RCCD1: variants seen among roughly 807,000 people sequenced by gnomAD.
The protein encoded by RCCD1 is RCC1 domain-containing protein 1.
RCCD1 carries 40 observed loss-of-function variants against 37.6 expected under a neutral mutation model. The ratio of observed to expected loss-of-function variants is 1.06; its 90% CI spans 0.83 to 1.39. RCCD1 has a LOEUF of 1.39. Ranked by LOEUF, RCCD1 falls within the 40% of genes most tolerant of loss-of-function variation. RCCD1 has a pLI of 0.00. For missense variants in RCCD1, 577 were observed against 517.3 expected (o/e 1.12, Z -1.12); for synonymous variants, 263 against 230.0 (o/e 1.14, Z -1.30).
In RCCD1 at chr15:90,961,936, A is replaced by G; in HGVS notation, c.*167A>G. 1 of 528,618 alleles carries G rather than the reference A, an allele frequency of 1.9e-6. No individual in the cohort carries two copies. The highest frequency in any genetic ancestry group is 3.2e-6 in the Non-Finnish European group (1 of 307,982). The allele number at this position is 528,618 out of a possible 1,614,324, so 32.7% of individuals were successfully genotyped here. A position where few individuals can be genotyped will look rare whatever the true frequency, so the allele number is the denominator to read the frequency against. On this transcript the variant is annotated 3_prime_UTR_variant, in exon 8 of 8. Coordinates refer to ENST00000394258, the MANE Select transcript of RCCD1 (RefSeq NM_001017919.2). ...GTCTGCACTTTAGAAACACCTGGAG[A>G]GCATTGAAAACTCTGCTGCCTAAGG...
In RCCD1 at chr15:90,961,067, ATTGT is replaced by A. The variant is rs2037305547; in HGVS notation, c.979+16_979+19del. On this transcript the variant is annotated intron_variant, in intron 7 of 7. Coordinates refer to ENST00000394258, the MANE Select transcript of RCCD1 (RefSeq NM_001017919.2). ...ACCTGGGGCTGGGGTAAGTAAAAGG[ATTGT>A]TTTTGTGACCCTGAAACCAAGGAGA... The A allele has an allele frequency of 6.2e-7, 1 of 1,613,370 alleles. No homozygotes were observed. The highest frequency in any genetic ancestry group is 8.5e-7 in the Non-Finnish European group (1 of 1,179,766).
Position 90,956,685 on chromosome 15 carries a change from C to T in RCCD1, c.-50C>T. ...CTAGCGGGCTCTTCGCAAGAATCCC[C>T]CCGGGCCCGCCGCAGCCAGGCGGCG... On this transcript the variant is annotated 5_prime_UTR_variant, in exon 2 of 8. Coordinates refer to ENST00000394258, the MANE Select transcript of RCCD1 (RefSeq NM_001017919.2). The T allele has an allele frequency of 8.0e-7, 1 of 1,251,662 alleles. No homozygotes were observed. The highest frequency in any genetic ancestry group is 1.0e-6 in the Non-Finnish European group (1 of 997,786). The allele number at this position is 1,251,662 out of a possible 1,614,324, so 77.5% of individuals were successfully genotyped here. A position where few individuals can be genotyped will look rare whatever the true frequency, so the allele number is the denominator to read the frequency against.
intron 4 of RCCD1, among the ~76,000 whole-genome samples, chr15:90,958,514 G>C (rs1032431476): frequency 3.3e-5 from 5 of 151,760 alleles, no homozygotes; most frequent in Non-Finnish European, 5.9e-5. Flanking sequence ...TGTAGTCCTG[G>C]CTACTCGGGA....
In RCCD1 at chr15:90,957,716, T is replaced by C. The variant is rs149297566; in HGVS notation, c.670T>C (p.Cys224Arg). ...GGCCGCGGGGGGCTGGCATTCTGTG[T>C]GTGTGAGTGGTGAGTGACTTAGTGC... ...EVAAGGWHSV[C>R]VSETGDIYIW... The change falls in exon 4 of 8, where the codon TGT becomes CGT. Residue 224 changes from cysteine to arginine, a missense_variant. By Grantham distance (180) the Cys-to-Arg change is radical. Transcript: ENST00000394258. 16 of 1,609,514 alleles carry C rather than the reference T, an allele frequency of 9.9e-6. No individual in the cohort carries two copies. The African/African-American group carries it at 2.0e-4, about 20-fold the overall frequency.
rs558030578 is a variant in RCCD1 at position 90,962,846 on chromosome 15, A to G, written c.*1077A>G. ...AGTATTCAGAGTATCTTCTGCTACA[A>G]TGTAGTTTGTTTCAGTCTCTCTTGG... is the stretch of plus-strand genomic sequence containing the variant. On this transcript the variant is annotated 3_prime_UTR_variant, in exon 8 of 8. Coordinates refer to ENST00000394258, the MANE Select transcript of RCCD1 (RefSeq NM_001017919.2). The G allele has an allele frequency of 4.6e-5, 7 of 152,172 alleles. No individual in the cohort carries two copies. Among genetic ancestry groups the G allele is most frequent in the African/African-American group, 1.7e-4 (7 of 41,424 alleles). 9.4% of individuals were successfully genotyped at this position (152,172 alleles called of 1,614,324 possible).
Position 90,960,445 on chromosome 15 carries a change from G to T in RCCD1, c.896G>T (p.Gly299Val). Residue 299 changes from glycine to valine, a missense_variant, in exon 6 of 8, where the codon GGC (glycine) becomes GTC (valine). Transcript: ENST00000394258. ...PFPALLDLPM[G>V]SDAVKASCGS... is the part of the protein sequence containing the mutation. ...CCGGCATTACTGGATCTCCCCATGGGCTCAGATGCAGTCAAGGCCAGCTGT... is the reference window on the plus strand; with the variant it reads ...CCGGCATTACTGGATCTCCCCATGGTCTCAGATGCAGTCAAGGCCAGCTGT... 2.5e-6 allele frequency: 4 copies of T among 1,613,122 alleles called. No individual in the cohort carries two copies. The highest frequency in any genetic ancestry group is 2.5e-6 in the Non-Finnish European group (3 of 1,179,994).
At chr15:90,958,648 A>T (rs77452921) in intron 4 of RCCD1, among the ~76,000 whole-genome samples, 1 of 140,476 alleles carries the variant, frequency 7.1e-6, no homozygotes, top group Admixed American at 7.4e-5. Context: ...AAAAAAAAAA[A>T]AGAAAAGCTA....
At position 90,962,555 on chromosome 15, in the gene RCCD1, A is replaced by G. The variant is rs2037336498; in HGVS notation, c.*786A>G. 6.6e-6 allele frequency: 1 copy of G among 152,126 alleles called. No individual in the cohort carries two copies. Among genetic ancestry groups the G allele is most frequent in the Admixed American group, 6.5e-5 (1 of 15,270 alleles). The allele number at this position is 152,126 out of a possible 1,614,324, so 9.4% of individuals were successfully genotyped here. On this transcript the variant is annotated 3_prime_UTR_variant, in exon 8 of 8. Coordinates refer to ENST00000394258, the MANE Select transcript of RCCD1 (RefSeq NM_001017919.2). ...GTCAGGTAGATGCACACTGGTTTTA[A>G]TTGGCATTTCCCTGGATACTGATGA... is the stretch of plus-strand genomic sequence containing the variant.
chr15:90,957,383 C>T lies in RCCD1; in HGVS notation c.437C>T (p.Pro146Leu), dbSNP rs1311874079. 3.9e-6 allele frequency: 6 copies of T among 1,544,086 alleles called. No individual in the cohort carries two copies. The highest frequency in any genetic ancestry group is 5.2e-6 in the Non-Finnish European group (6 of 1,146,044). The change falls in exon 3 of 8, where the codon CCG (proline) becomes CTG (leucine). Residue 146 changes from proline to leucine, a missense_variant. Physicochemically the swap from Pro to Leu is moderately conservative, Grantham distance 98. Coordinates refer to ENST00000394258, the MANE Select transcript of RCCD1 (RefSeq NM_001017919.2). The stretch of plus-strand genomic sequence containing the variant: ...CCCTGCGCCCGTGCCTACGTGAGCC[C>T]GCGGGCGCCCTTCTACCGGCCTCTG... ...LLPCARAYVS[P>L]RAPFYRPLAP...
intron 4 of RCCD1, among the ~76,000 whole-genome samples, chr15:90,958,274 G>T (rs1258819838): frequency 6.6e-6 from 1 of 152,132 alleles, no homozygotes; most frequent in African/African-American, 2.4e-5. Flanking sequence ...GATGATCTTT[G>T]TCTGTGTCTG....
At chr15:90,958,646 AAAAG>A (rs1196092125) in intron 4 of RCCD1, among the ~76,000 whole-genome samples, 4 of 150,564 alleles carry the variant, frequency 2.7e-5, no homozygotes, top group Non-Finnish European at 3.0e-5. Flanking sequence ...AAAAAAAAAA[AAAAG>A]AAAAGCTACC....
Position 90,956,731 on chromosome 15 carries a change from G to T in RCCD1, c.-4G>T. 1 of 1,297,072 alleles carries T rather than the reference G, an allele frequency of 7.7e-7. No homozygotes were observed. The highest frequency in any genetic ancestry group is 1.5e-5 in the African/African-American group (1 of 66,048). The allele number at this position is 1,297,072 out of a possible 1,614,324, so 80.3% of individuals were successfully genotyped here. ...CGGCGGCCGGCAGAGGGCGCTGCTC[G>T]GGCATGGCGGAGGAGCGGCCGGGGG... On this transcript the variant is annotated 5_prime_UTR_variant, in exon 2 of 8. Coordinates refer to ENST00000394258, the MANE Select transcript of RCCD1 (RefSeq NM_001017919.2).
chr15:90,960,760 C>T (rs2037299008), intron 6 of RCCD1: 1 of 612,914 alleles, frequency 1.6e-6, no homozygotes, highest in Admixed American at 2.8e-5. Flanking sequence ...CCGCCGCCGC[C>T]TCTGACAGCA....
rs2037322294 is a variant in RCCD1, at chr15:90,961,835, C to T, written c.*66C>T. On this transcript the variant is annotated 3_prime_UTR_variant, in exon 8 of 8. Coordinates refer to ENST00000394258, the MANE Select transcript of RCCD1 (RefSeq NM_001017919.2). The stretch of plus-strand genomic sequence containing the variant: ...CATTCAGGTCAAGGAAAACCATTGC[C>T]TGCACCCCAAGGGCCCCATATTTGC... The T allele has an allele frequency of 1.3e-6, 2 of 1,530,556 alleles. No homozygotes were observed. Among genetic ancestry groups the T allele is most frequent in the South Asian group, 1.2e-5 (1 of 81,704 alleles). 94.8% of individuals were successfully genotyped at this position (1,530,556 alleles called of 1,614,324 possible).
chr15:90,961,078 G>A (rs2037305751), intron 7 of RCCD1, 24 bp downstream of exon 7: 2 of 1,612,248 alleles, frequency 1.2e-6, no homozygotes, highest in Non-Finnish European at 1.7e-6. Context: ...TTGTTTTTGT[G>A]ACCCTGAAAC....
At chr15:90,959,867 G>A in intron 4 of RCCD1, 33 bp from the exon 5 acceptor site, 1 of 1,511,576 alleles carries the variant, frequency 6.6e-7, no homozygotes, top group Non-Finnish European at 9.1e-7. Context: ...GGGCTTCACA[G>A]TCTGTTTCAT....
At chr15:90,956,970 G>T (rs1456427759) in intron 2 of RCCD1, 70 bp downstream of exon 2, 2 of 1,285,146 alleles carry the variant, frequency 1.6e-6, no homozygotes, top group Non-Finnish European at 2.0e-6. Context: ...CACCGCTGTG[G>T]CCAGTCCAGT....
At chr15:90,958,725 C>T (rs1050369909) in intron 4 of RCCD1, among the ~76,000 whole-genome samples, 1 of 151,532 alleles carries the variant, frequency 6.6e-6, no homozygotes, top group South Asian at 2.1e-4. Flanking sequence ...CTCAGGAAAC[C>T]CTGGGCTGAG....
At position 90,957,585 on chromosome 15, in the gene RCCD1, G is replaced by A; in HGVS notation, c.558-19G>A. ...ACCCCTTAATGCGACTGTAGCTGAC[G>A]ACGGTCTCCCTTGCTCAGGCATGGA... is the stretch of plus-strand genomic sequence containing the variant. On this transcript the variant is annotated intron_variant, in intron 3 of 7. Transcript: ENST00000394258. 1 of 1,613,876 alleles carries A rather than the reference G, an allele frequency of 6.2e-7. No homozygotes were observed. The highest frequency in any genetic ancestry group is 2.2e-5 in the East Asian group (1 of 44,878).
Sources: allele counts gnomAD v4.1 joint callset (sites outside exome capture counted in the v4.1 genomes callset), GRCh38; gene constraint gnomAD v4.1.1; transcripts MANE v1.5; gene names NCBI Gene and HGNC (gene_info 2026-07-23, HGNC 2026-07-21).